GLS: variants seen among roughly 807,000 people sequenced by gnomAD.
The protein encoded by GLS is glutaminase, also known as glutaminase kidney isoform, mitochondrial.
In GLS, 36 loss-of-function variants were observed where a neutral mutation model predicts 86.7. That is an observed-to-expected ratio of 0.42 (90% CI 0.32 to 0.55). The LOEUF (loss-of-function observed/expected upper bound fraction) is 0.55, where lower values mean the gene tolerates loss of function less well. GLS is among the 20% of genes least tolerant of loss of function. GLS has a pLI of 0.17. For missense variants in GLS, 528 were observed against 833.4 expected (o/e 0.63, Z 4.51); for synonymous variants, 317 against 305.9 (o/e 1.04, Z -0.38).
At chr2:190,923,059 C>T (rs1689795642) in intron 9 of GLS, among the ~76,000 whole-genome samples, 1 of 152,152 alleles carries the variant, frequency 6.6e-6, no homozygotes, top group African/African-American at 2.4e-5. Flanking sequence ...TTTGATCATA[C>T]CTCTCCTTCC....
Position 190,930,392 on chromosome 2 carries a change from T to C in GLS, c.1426-45T>C. On this transcript the variant is annotated intron_variant, in intron 12 of 17. Transcript: ENST00000320717. This position sits in a 1 kb window ranked among gnomAD's most constrained non-coding sequence, Gnocchi z 5.0. ...CTATTGTTGAACATAACATTTCTTA[T>C]TTTAAAATGTTTACCTGAATACTCT... 7.0e-7 allele frequency: 1 copy of C among 1,431,630 alleles called. No individual in the cohort carries two copies. The highest frequency in any genetic ancestry group is 9.8e-7 in the Non-Finnish European group (1 of 1,016,108). 88.7% of individuals were successfully genotyped at this position (1,431,630 alleles called of 1,614,324 possible). A position where few individuals can be genotyped will look rare whatever the true frequency, so the allele number is the denominator to read the frequency against.
intron 17 of GLS, among the ~76,000 whole-genome samples, chr2:190,958,990 C>T (rs948313852): frequency 3.3e-5 from 5 of 152,094 alleles, no homozygotes; most frequent in African/African-American, 7.2e-5. Flanking sequence ...TTTTCTGTCT[C>T]GTTGATCTGT....
Position 190,951,529 on chromosome 2 carries a change from A to G in GLS, c.1651-2036A>G, listed in dbSNP as rs1443752339. On this transcript the variant is annotated intron_variant, in intron 14 of 17. Coordinates refer to ENST00000320717, the MANE Select transcript of GLS (RefSeq NM_014905.5). This position sits in a 1 kb window ranked among gnomAD's most constrained non-coding sequence, Gnocchi z 4.2. ...GGAACAAGAACAGGGCATCTAGAGG[A>G]TAAGTGTTTGAAGGAATAGATAAAA... Among the ~76,000 whole-genome samples, 1 of 152,154 alleles carries G rather than the reference A, an allele frequency of 6.6e-6. No individual in the cohort carries two copies. The highest frequency in any genetic ancestry group is 1.5e-5 in the Non-Finnish European group (1 of 68,020).
chr2:190,887,145 A>C (rs1156990245), intron 1 of GLS, among the ~76,000 whole-genome samples: 1 of 152,208 alleles, frequency 6.6e-6, no homozygotes, highest in East Asian at 1.9e-4. Context: ...ATGCTTAAGA[A>C]AGGTGAGTAA....
rs1046263751 is a variant in GLS, at chr2:190,921,784, C to A, written c.1130+581C>A. ...GACATTCTCCTACATAACCACAATACCATTAACACATGTAAGAACGTTAAC... is the reference window on the plus strand; with the variant it reads ...GACATTCTCCTACATAACCACAATAACATTAACACATGTAAGAACGTTAAC... On this transcript the variant is annotated intron_variant, in intron 9 of 17. Coordinates refer to ENST00000320717, the MANE Select transcript of GLS (RefSeq NM_014905.5). The surrounding 1 kb of genome is among the most constrained non-coding windows in gnomAD (Gnocchi z 4.2). 1.3e-5 allele frequency among the ~76,000 whole-genome samples: 2 copies of A among 151,880 alleles called. No homozygotes were observed. The highest frequency in any genetic ancestry group is 2.9e-5 in the Non-Finnish European group (2 of 67,866).
In GLS at chr2:190,901,910, A is replaced by G. The variant is rs745616992; in HGVS notation, c.736-37A>G. ...GGAAGAAAATACATTATTTGTCAAT[A>G]TTATATCTATTCATTTCTTTCCAAT... On this transcript the variant is annotated intron_variant, in intron 4 of 17. Transcript: ENST00000320717. 17 of 1,196,706 alleles carry G rather than the reference A, an allele frequency of 1.4e-5. No homozygotes were observed. The East Asian group carries it at 4.0e-4, about 28-fold the overall frequency. 74.1% of individuals were successfully genotyped at this position (1,196,706 alleles called of 1,614,324 possible). A position where few individuals can be genotyped will look rare whatever the true frequency, so the allele number is the denominator to read the frequency against.
intron 11 of GLS, among the ~76,000 whole-genome samples, chr2:190,925,537 G>T (rs1689870331): frequency 6.6e-6 from 1 of 152,164 alleles, no homozygotes; most frequent in South Asian, 2.1e-4. Flanking sequence ...ATTTAACACA[G>T]TTGGTGCCAC....
rs1307572661 is a variant in GLS at position 190,881,150 on chromosome 2, C to T, written c.66C>T (p.Ser22=). 1.9e-6 allele frequency: 3 copies of T among 1,554,076 alleles called. No individual in the cohort carries two copies. The highest frequency in any genetic ancestry group is 4.9e-5 in the East Asian group (2 of 41,100). ...DLLLRSPAGV[S]ATLRRAQPLV... ...TCCTGCGGTCGCCCGCCGGCGTGAG[C>T]GCGACTCTGCGGCGGGCACAGCCCT... The change falls in exon 1 of 18, where the codon AGC becomes AGT. Residue 22 remains serine, a synonymous_variant. Coordinates refer to ENST00000320717, the MANE Select transcript of GLS (RefSeq NM_014905.5).
rs1231500531 is a variant in GLS at position 190,924,771 on chromosome 2, C to T, written c.1248+178C>T. ...CTCTACTAAAAATACAAAAATTATTCGGGTGTGGTAGTGTGTGCCTGTAGT... is the reference window on the plus strand; with the variant it reads ...CTCTACTAAAAATACAAAAATTATTTGGGTGTGGTAGTGTGTGCCTGTAGT... On this transcript the variant is annotated intron_variant, in intron 11 of 17. Transcript: ENST00000320717. The surrounding 1 kb of genome is among the most constrained non-coding windows in gnomAD (Gnocchi z 5.2). 3.9e-6 allele frequency: 2 copies of T among 507,840 alleles called. No homozygotes were observed. The highest frequency in any genetic ancestry group is 7.1e-6 in the Non-Finnish European group (2 of 280,268). The allele number at this position is 507,840 out of a possible 1,614,324, so 31.5% of individuals were successfully genotyped here. A position where few individuals can be genotyped will look rare whatever the true frequency, so the allele number is the denominator to read the frequency against.
rs139708145 is a variant in GLS, at chr2:190,954,644, T to C, written c.1773T>C (p.His591=). 8.1e-6 allele frequency: 13 copies of C among 1,611,882 alleles called. No individual in the cohort carries two copies. Among genetic ancestry groups the C allele is most frequent in the South Asian group, 1.1e-5 (1 of 91,038 alleles). The change falls in exon 16 of 18, where the codon CAT becomes CAC. Residue 591 remains histidine, a synonymous_variant. Transcript: ENST00000320717. The surrounding 1 kb of genome is among the most constrained non-coding windows in gnomAD (Gnocchi z 4.0). ...QRDYDSRTAL[H]VAAAEGHVEV... ...ACTATGATTCTAGAACAGCACTCCA[T>C]GTAGCTGCTGCAGAGGGTAATACAG...
chr2:190,925,022 A>G (rs1689854126), intron 11 of GLS, among the ~76,000 whole-genome samples: 1 of 152,234 alleles, frequency 6.6e-6, no homozygotes, highest in Admixed American at 6.5e-5. Context: ...AAATGTCTTC[A>G]TAAAAGGCAG....
chr2:190,904,990 C>T lies in GLS; in HGVS notation c.816-14C>T, dbSNP rs1166250983. The T allele has an allele frequency of 6.8e-7, 1 of 1,476,582 alleles. No individual in the cohort carries two copies. Among genetic ancestry groups the T allele is most frequent in the Non-Finnish European group, 9.4e-7 (1 of 1,064,744 alleles). The allele number at this position is 1,476,582 out of a possible 1,614,324, so 91.5% of individuals were successfully genotyped here. ...CCAGTTGATGTTATTTTTTAAAAAT[C>T]TCCTTTTAAATAGGCATTCTACTGG... On this transcript the variant is annotated splice_polypyrimidine_tract_variant and intron_variant, in intron 5 of 17. Transcript: ENST00000320717.
chr2:190,882,022 G>T (rs61613340), intron 1 of GLS: 18,941 of 152,322 alleles, frequency 0.12, 1,624 homozygotes, highest in Admixed American at 0.27. Flanking sequence ...TTTATATTTC[G>T]GGAGTGGCTA....
At position 190,920,932 on chromosome 2, in the gene GLS, T is replaced by G. The variant is rs1689709920; in HGVS notation, c.1039-92T>G. ...ATTTAAAAATACTAATGCAGTATAT[T>G]ATAATAGTAGCTTTGAAATTTTGAT... is the stretch of plus-strand genomic sequence containing the variant. On this transcript the variant is annotated intron_variant, in intron 7 of 17. Transcript: ENST00000320717. The surrounding 1 kb of genome is among the most constrained non-coding windows in gnomAD (Gnocchi z 4.2). 1 of 692,386 alleles carries G rather than the reference T, an allele frequency of 1.4e-6. No individual in the cohort carries two copies. Among genetic ancestry groups the G allele is most frequent in the Non-Finnish European group, 2.6e-6 (1 of 381,108 alleles). 42.9% of individuals were successfully genotyped at this position (692,386 alleles called of 1,614,324 possible).
chr2:190,958,599 A>G (rs190814406), intron 17 of GLS, among the ~76,000 whole-genome samples: 3 of 152,276 alleles, frequency 2.0e-5, no homozygotes, highest in African/African-American at 7.2e-5. Flanking sequence ...GCTGTGTCCC[A>G]GAGATTCTGG....
In GLS at chr2:190,905,067, T is replaced by C; in HGVS notation, c.879T>C (p.Tyr293=). 5 of 1,599,126 alleles carry C rather than the reference T, an allele frequency of 3.1e-6. No individual in the cohort carries two copies. Among genetic ancestry groups the C allele is most frequent in the Non-Finnish European group, 4.3e-6 (5 of 1,166,418 alleles). ...CLQSCVKPLK[Y]AIAVNDLGTE... ...AGTCCTGTGTAAAACCTTTGAAATA[T>C]GCCATTGCTGTTAATGATCTTGGAA... Residue 293 remains tyrosine, a synonymous_variant, in exon 6 of 18, where the codon TAT becomes TAC. Coordinates refer to ENST00000320717, the MANE Select transcript of GLS (RefSeq NM_014905.5). This position sits in a 1 kb window ranked among gnomAD's most constrained non-coding sequence, Gnocchi z 4.6.
Position 190,965,248 on chromosome 2 carries a change from C to T in GLS, c.*2262C>T, listed in dbSNP as rs563090709. 4.6e-5 allele frequency: 7 copies of T among 152,544 alleles called. No individual in the cohort carries two copies. Among genetic ancestry groups the T allele is most frequent in the Non-Finnish European group, 8.8e-5 (6 of 68,040 alleles). 9.4% of individuals were successfully genotyped at this position (152,544 alleles called of 1,614,324 possible). A position where few individuals can be genotyped will look rare whatever the true frequency, so the allele number is the denominator to read the frequency against. Reference sequence around the variant, plus strand: ...TACACATTGTTGTTTTTGCTGGTCTCATCTTTGGTAATATGCTATACCCCA... The same window carrying T: ...TACACATTGTTGTTTTTGCTGGTCTTATCTTTGGTAATATGCTATACCCCA... On this transcript the variant is annotated 3_prime_UTR_variant, in exon 18 of 18. Coordinates refer to ENST00000320717, the MANE Select transcript of GLS (RefSeq NM_014905.5). This position sits in a 1 kb window ranked among gnomAD's most constrained non-coding sequence, Gnocchi z 5.0.
At chr2:190,934,227 A>G (rs1690198298) in intron 14 of GLS, 2 of 960,478 alleles carry the variant, frequency 2.1e-6, no homozygotes, top group South Asian at 4.8e-5. Flanking sequence ...AAAAGTAAAT[A>G]TAGTGTAGCA....
rs1690865370 is a variant in GLS at position 190,956,549 on chromosome 2, T to G, written c.1853+1731T>G. ...GTCAGGTAGCGTGATGCCTCCAGCT[T>G]TCTTCTTTTTGCTTAGGATCGTCTT... On this transcript the variant is annotated intron_variant, in intron 17 of 17. Transcript: ENST00000320717. This position sits in a 1 kb window ranked among gnomAD's most constrained non-coding sequence, Gnocchi z 4.2. 6.6e-6 allele frequency among the ~76,000 whole-genome samples: 1 copy of G among 152,148 alleles called. No individual in the cohort carries two copies. Among genetic ancestry groups the G allele is most frequent in the Non-Finnish European group, 1.5e-5 (1 of 68,034 alleles).
Sources: gnomAD v4.1 joint callset for allele counts (sites outside exome capture counted in the v4.1 genomes callset) on GRCh38, gnomAD v4.1.1 for gene constraint, Gnocchi (gnomAD v3.1) non-coding constraint, MANE v1.5 for transcripts, NCBI Gene and HGNC (gene_info 2026-07-23, HGNC 2026-07-21) for gene names.